TTBK2: variants seen among roughly 807,000 people sequenced by gnomAD.
TTBK2 encodes tau-tubulin kinase 2.
Under a neutral mutation model 110.8 loss-of-function variants are expected in TTBK2, and 28 were observed. That is an observed-to-expected ratio of 0.25 (90% CI 0.19 to 0.35). The LOEUF (loss-of-function observed/expected upper bound fraction) is 0.35. TTBK2 is among the 10% of genes least tolerant of loss of function. The pLI, the probability that TTBK2 is intolerant of heterozygous loss-of-function variation, is 1.00. For missense variants in TTBK2, 1,369 were observed against 1,500.3 expected (o/e 0.91, Z 1.45); for synonymous variants, 532 against 527.3 (o/e 1.01, Z -0.12).
intron 9 of TTBK2, chr15:42,801,655 G>A (rs1198630676): frequency 1.1e-6 from 1 of 880,798 alleles, no homozygotes; most frequent in South Asian, 1.3e-5. Context: ...CCATGTCCAG[G>A]AAGCGGCTGT....
In TTBK2 at chr15:42,815,858, CTA is replaced by C. The variant is rs1163537860; in HGVS notation, c.603+1172_603+1173del. On this transcript the variant is annotated intron_variant, in intron 7 of 14. Transcript: ENST00000267890. Reference sequence around the variant, plus strand: ...TCAATCTCTTCCAAATTCTCTCTCTCTATATATATATATTTAAATATATATAT... The same window carrying C: ...TCAATCTCTTCCAAATTCTCTCTCTCTATATATATATTTAAATATATATAT... 6.9e-5 allele frequency among the ~76,000 whole-genome samples: 8 copies of C among 115,528 alleles called. No individual in the cohort carries two copies. The East Asian group carries it at 7.5e-4, about 11-fold the overall frequency. 75.8% of individuals were successfully genotyped at this position (115,528 alleles called of 152,430 possible).
Position 42,745,669 on chromosome 15 carries a change from GATC to G in TTBK2, c.*123_*125del. 2 of 1,145,884 alleles carry G rather than the reference GATC, an allele frequency of 1.7e-6. No homozygotes were observed. Among genetic ancestry groups the G allele is most frequent in the Non-Finnish European group, 2.6e-6 (2 of 764,564 alleles). 71.0% of individuals were successfully genotyped at this position (1,145,884 alleles called of 1,614,324 possible). On this transcript the variant is annotated 3_prime_UTR_variant, in exon 15 of 15. Coordinates refer to ENST00000267890, the MANE Select transcript of TTBK2 (RefSeq NM_173500.4). ...GTATTATGTCTTCTTATAAATAATT[GATC>G]ATGTTACTTTCTTTTGCAAGAGAAG...
At chr15:42,849,767 A>G (rs1226856443) in intron 3 of TTBK2, among the ~76,000 whole-genome samples, 1 of 152,162 alleles carries the variant, frequency 6.6e-6, no homozygotes, top group African/African-American at 2.4e-5. Context: ...GCAGTGGTCT[A>G]TCCCATAATT....
intron 14 of TTBK2, among the ~76,000 whole-genome samples, chr15:42,751,164 G>A (rs1258643539): frequency 1.3e-5 from 2 of 152,018 alleles, no homozygotes; most frequent in East Asian, 1.9e-4. Flanking sequence ...GCAAACACAT[G>A]GACAGTTAAA....
At chr15:42,783,391 A>G in intron 11 of TTBK2, 28 bp downstream of exon 11, 1 of 1,605,002 alleles carries the variant, frequency 6.2e-7, no homozygotes, top group East Asian at 2.2e-5. Context: ...TAAGAAATAA[A>G]TTTCTGTTGT....
intron 3 of TTBK2, among the ~76,000 whole-genome samples, chr15:42,855,463 A>G (rs2141062784): frequency 6.6e-6 from 1 of 152,348 alleles, no homozygotes; most frequent in African/African-American, 2.4e-5. Context: ...GTGCCAGAAA[A>G]CAAGGATGAC....
chr15:42,800,301 G>A (rs1462068775), intron 9 of TTBK2: 5 of 439,846 alleles, frequency 1.1e-5, no homozygotes, highest in Non-Finnish European at 2.2e-5. Context: ...CTACATAGAT[G>A]CTTGGTGCAA....
intron 1 of TTBK2, among the ~76,000 whole-genome samples, chr15:42,914,687 T>C (rs1031642380): frequency 2.0e-5 from 3 of 152,242 alleles, no homozygotes; most frequent in African/African-American, 7.2e-5. Flanking sequence ...GACATTTAAT[T>C]TCAAATAGTC....
At chr15:42,896,941 C>T (rs1006166809) in intron 1 of TTBK2, among the ~76,000 whole-genome samples, 16 of 150,872 alleles carry the variant, frequency 1.1e-4, no homozygotes, top group South Asian at 2.1e-4. Flanking sequence ...TACAGTGGCA[C>T]GATCTCATTT....
chr15:42,915,851 G>T (rs191953498), intron 1 of TTBK2, among the ~76,000 whole-genome samples: 7 of 152,092 alleles, frequency 4.6e-5, no homozygotes, highest in Non-Finnish European at 5.9e-5. Context: ...GGAGGCTAAG[G>T]GGGGAGGACT....
chr15:42,833,904 G>A (rs543488415), intron 4 of TTBK2, among the ~76,000 whole-genome samples: 43 of 152,142 alleles, frequency 2.8e-4, no homozygotes, highest in African/African-American at 8.9e-4. Flanking sequence ...CAGGCTACTC[G>A]GGAGGCTGAG....
intron 1 of TTBK2, among the ~76,000 whole-genome samples, chr15:42,904,914 C>T (rs1313135643): frequency 1.3e-5 from 2 of 151,810 alleles, no homozygotes; most frequent in Non-Finnish European, 2.9e-5. Flanking sequence ...CTCTGTCGCC[C>T]AAGCTGTAGG....
chr15:42,853,811 G>A (rs954994676), intron 3 of TTBK2, among the ~76,000 whole-genome samples: 5 of 152,090 alleles, frequency 3.3e-5, no homozygotes, highest in Non-Finnish European at 5.9e-5. Context: ...AACCTGGGAG[G>A]TGGAGGTTGC....
At chr15:42,772,096 G>C (rs1437259843) in intron 13 of TTBK2, among the ~76,000 whole-genome samples, 1 of 152,018 alleles carries the variant, frequency 6.6e-6, no homozygotes, top group Non-Finnish European at 1.5e-5. Context: ...CCCTCGTATA[G>C]ACCCTCATAT....
chr15:42,901,083 G>A (rs1028946449), intron 1 of TTBK2, among the ~76,000 whole-genome samples: 25 of 152,178 alleles, frequency 1.6e-4, no homozygotes, highest in Admixed American at 3.9e-4. Flanking sequence ...GAGGAAGGCC[G>A]GGCACAGTGG....
intron 9 of TTBK2, among the ~76,000 whole-genome samples, chr15:42,798,530 T>C (rs1891043319): frequency 1.3e-5 from 2 of 152,200 alleles, no homozygotes; most frequent in Admixed American, 6.5e-5. Context: ...CATTTGACAA[T>C]GTGGCACAGC....
chr15:42,870,726 T>C (rs1894581370), intron 3 of TTBK2, among the ~76,000 whole-genome samples: 1 of 151,608 alleles, frequency 6.6e-6, no homozygotes, highest in African/African-American at 2.4e-5. Context: ...CTGGGTGTGG[T>C]GGTGTATGCC....
intron 11 of TTBK2, among the ~76,000 whole-genome samples, chr15:42,781,872 T>C (rs1273694369): frequency 1.3e-5 from 2 of 152,160 alleles, no homozygotes; most frequent in Non-Finnish European, 2.9e-5. Context: ...AGAAGGAATA[T>C]GTTAAAATAT....
chr15:42,842,031 C>T (rs2141019483), intron 3 of TTBK2, among the ~76,000 whole-genome samples: 1 of 152,170 alleles, frequency 6.6e-6, no homozygotes, highest in Non-Finnish European at 1.5e-5. Context: ...GGAAAAGAAA[C>T]TTAAGCACAT....
Sources: allele counts gnomAD v4.1 joint callset (sites outside exome capture counted in the v4.1 genomes callset), GRCh38; gene constraint gnomAD v4.1.1; transcripts MANE v1.5; gene names NCBI Gene and HGNC (gene_info 2026-07-23, HGNC 2026-07-21).